DUSP16: variants seen among roughly 807,000 people sequenced by gnomAD.
DUSP16 encodes dual specificity protein phosphatase 16.
Under a neutral mutation model 58.3 loss-of-function variants are expected in DUSP16, and 21 were observed. That is an observed-to-expected ratio of 0.36 (90% CI 0.26 to 0.52). The LOEUF (loss-of-function observed/expected upper bound fraction) is 0.52. Ranked by LOEUF, DUSP16 falls within the 20% of genes least tolerant of loss-of-function variation. The pLI is 0.94. For synonymous variants in DUSP16, 320 were observed against 323.8 expected, an observed-to-expected ratio of 0.99 and a Z score of 0.12; for missense variants, 726 against 819.0, an observed-to-expected ratio of 0.89 and a Z score of 1.39.
chr12:12,494,616 G>T (rs1565991174), intron 4 of DUSP16, among the ~76,000 whole-genome samples: 1 of 152,174 alleles, frequency 6.6e-6, no homozygotes, highest in Non-Finnish European at 1.5e-5. Context: ...AGCTCAGATG[G>T]CGGTAGAGGC....
chr12:12,556,535 A>G (rs1445990412), intron 1 of DUSP16, among the ~76,000 whole-genome samples: 1 of 152,080 alleles, frequency 6.6e-6, no homozygotes, highest in Non-Finnish European at 1.5e-5. Context: ...TGATTGCTCT[A>G]TTGCACTTCA....
intron 1 of DUSP16, among the ~76,000 whole-genome samples, chr12:12,551,458 A>AT (rs1416057280): frequency 5.1e-4 from 53 of 104,902 alleles, no homozygotes; most frequent in African/African-American, 1.7e-3. Flanking sequence ...GGGAGACTGT[A>AT]TTAAAAAAAA....
chr12:12,534,539 C>G (rs1335538383), intron 1 of DUSP16, among the ~76,000 whole-genome samples: 3 of 152,214 alleles, frequency 2.0e-5, no homozygotes, highest in Non-Finnish European at 4.4e-5. Context: ...ACTGTAGTTT[C>G]TGGACCCTTC....
intron 3 of DUSP16, among the ~76,000 whole-genome samples, chr12:12,507,082 T>C (rs1298247607): frequency 2.0e-5 from 3 of 152,294 alleles, no homozygotes; most frequent in Non-Finnish European, 4.4e-5. Flanking sequence ...AAAATACATA[T>C]AACAACTCTA....
chr12:12,498,016 T>C (rs904871701), intron 4 of DUSP16, among the ~76,000 whole-genome samples: 1 of 152,112 alleles, frequency 6.6e-6, no homozygotes, highest in African/African-American at 2.4e-5. Context: ...ATAATATTAG[T>C]GGTCTCATGG....
At chr12:12,561,560 C>T (rs1194592030) in intron 1 of DUSP16, among the ~76,000 whole-genome samples, 1 of 152,214 alleles carries the variant, frequency 6.6e-6, no homozygotes, top group East Asian at 1.9e-4. Flanking sequence ...AAGACCCGAG[C>T]CCCTGTCCGA....
intron 4 of DUSP16, among the ~76,000 whole-genome samples, chr12:12,490,305 T>G (rs1943743895): frequency 1.3e-5 from 2 of 152,212 alleles, no homozygotes; most frequent in African/African-American, 2.4e-5. Flanking sequence ...TTAAAAGGTC[T>G]ATTGATTAAA....
chr12:12,546,905 T>C (rs771960049), intron 1 of DUSP16, among the ~76,000 whole-genome samples: 2 of 152,184 alleles, frequency 1.3e-5, no homozygotes, highest in Non-Finnish European at 2.9e-5. Context: ...CATCAAGTGC[T>C]TGAAACCTAA....
At position 12,538,239 on chromosome 12, in the gene DUSP16, C is replaced by T. The variant is rs1310292762; in HGVS notation, c.-365-16776G>A. Among the ~76,000 whole-genome samples the T allele has an allele frequency of 1.3e-5, 2 of 152,154 alleles. 1 individual carries two copies. The highest frequency in any genetic ancestry group is 4.8e-5 in the African/African-American group (2 of 41,436). ...ACATTTAATCAGTTGTCAAGACCTACTGATTTTCAGTCTCTCTTACCTGGA... is the reference window on the plus strand; with the variant it reads ...ACATTTAATCAGTTGTCAAGACCTATTGATTTTCAGTCTCTCTTACCTGGA... On this transcript the variant is annotated intron_variant, in intron 1 of 6. Coordinates refer to ENST00000298573, the MANE Select transcript of DUSP16 (RefSeq NM_030640.3).
intron 3 of DUSP16, among the ~76,000 whole-genome samples, chr12:12,508,302 G>A (rs910106637): frequency 4.0e-5 from 6 of 151,828 alleles, no homozygotes; most frequent in African/African-American, 9.7e-5. Flanking sequence ...AGTAAACATG[G>A]AGAGTTGAAA....
intron 4 of DUSP16, among the ~76,000 whole-genome samples, chr12:12,495,708 G>A (rs1943818791): frequency 6.6e-6 from 1 of 152,094 alleles, no homozygotes; most frequent in Admixed American, 6.5e-5. Flanking sequence ...ATAACCACAG[G>A]CATTTCAATT....
intron 5 of DUSP16, among the ~76,000 whole-genome samples, chr12:12,485,786 C>CTTTTTT (rs749939375): frequency 1.9e-5 from 2 of 107,698 alleles, no homozygotes; most frequent in African/African-American, 3.9e-5. Flanking sequence ...GCCAATTCCA[C>CTTTTTT]TTTTTTTTTT....
intron 1 of DUSP16, among the ~76,000 whole-genome samples, chr12:12,543,989 T>C (rs1163444774): frequency 6.6e-6 from 1 of 151,966 alleles, no homozygotes; most frequent in East Asian, 1.9e-4. Context: ...AAAATAAATT[T>C]CGTAAAAACT....
intron 1 of DUSP16, among the ~76,000 whole-genome samples, chr12:12,523,956 C>T (rs1180724358): frequency 6.6e-6 from 1 of 152,220 alleles, no homozygotes; most frequent in Non-Finnish European, 1.5e-5. Context: ...AACAATGGCA[C>T]TGGGTCTCTG....
At chr12:12,492,829 C>G (rs562626348) in intron 4 of DUSP16, among the ~76,000 whole-genome samples, 13 of 152,218 alleles carry the variant, frequency 8.5e-5, no homozygotes, top group African/African-American at 2.9e-4. Context: ...CTTTCTTGAC[C>G]TAAAGTACTA....
rs1368217806 is a variant in DUSP16, at chr12:12,524,829, TAC to T, written c.-365-3368_-365-3367del. Among the ~76,000 whole-genome samples, 4 of 152,228 alleles carry T rather than the reference TAC, an allele frequency of 2.6e-5. No individual in the cohort carries two copies. The East Asian group carries it at 7.7e-4, about 29-fold the overall frequency. On this transcript the variant is annotated intron_variant, in intron 1 of 6. Coordinates refer to ENST00000298573, the MANE Select transcript of DUSP16 (RefSeq NM_030640.3). ...GGTTCAAAAAAAGTCTAAAAATGTA[TAC>T]ATAGTATGAACGTGTACAGTTTATT...
chr12:12,548,831 G>A (rs990353234), intron 1 of DUSP16, among the ~76,000 whole-genome samples: 38 of 151,948 alleles, frequency 2.5e-4, no homozygotes, highest in South Asian at 2.1e-4. Flanking sequence ...AGAGTAAGCA[G>A]GGCAGGTCTG....
At chr12:12,504,013 T>C (rs1015077740) in intron 3 of DUSP16, among the ~76,000 whole-genome samples, 18 of 152,210 alleles carry the variant, frequency 1.2e-4, no homozygotes, top group African/African-American at 4.1e-4. Context: ...AAGTGCCCAC[T>C]GTTTAGAATT....
chr12:12,562,816 G>T lies in DUSP16; in HGVS notation c.-1065C>A, dbSNP rs1172872341. On this transcript the variant is annotated 5_prime_UTR_variant, in exon 1 of 7. Transcript: ENST00000298573. The stretch of plus-strand genomic sequence containing the variant: ...CGCGGCTCCGCGCCTCGTTCCGGCC[G>T]CTCGGGGAGGGGTCAGGTCATGTTC... 6.6e-6 allele frequency among the ~76,000 whole-genome samples: 1 copy of T among 151,662 alleles called. No individual in the cohort carries two copies. Among genetic ancestry groups the T allele is most frequent in the Non-Finnish European group, 1.5e-5 (1 of 67,868 alleles).
Sources: gnomAD v4.1 joint callset for allele counts (sites outside exome capture counted in the v4.1 genomes callset) on GRCh38, gnomAD v4.1.1 for gene constraint, MANE v1.5 for transcripts, NCBI Gene and HGNC (gene_info 2026-07-23, HGNC 2026-07-21) for gene names.